HOOK1: variants seen among roughly 807,000 people sequenced by gnomAD.
The protein encoded by HOOK1 is protein Hook homolog 1.
In HOOK1, 60 loss-of-function variants were observed where a neutral mutation model predicts 112.8. The ratio of observed to expected loss-of-function variants is 0.53; its 90% CI spans 0.43 to 0.66. HOOK1 has a LOEUF of 0.66. HOOK1 is among the 30% of genes least tolerant of loss of function. HOOK1 has a pLI of 0.00. For synonymous variants in HOOK1, 294 were observed against 283.8 expected (o/e 1.04, Z -0.36); for missense variants, 770 against 856.0 (o/e 0.90, Z 1.25).
chr1:59,854,001 AATATAT>A (rs71046347), intron 12 of HOOK1, among the ~76,000 whole-genome samples: 2,600 of 25,642 alleles, frequency 0.1, 177 homozygotes, highest in African/African-American at 0.13. Flanking sequence ...ATTAATCTTA[AATATAT>A]ATATATATAT....
rs977348592 is a variant in HOOK1 at position 59,855,992 on chromosome 1, T to A, written c.1243-2436T>A. 7.1e-4 allele frequency among the ~76,000 whole-genome samples: 88 copies of A among 124,758 alleles called. 1 individual carries two copies. Among genetic ancestry groups the A allele is most frequent in the South Asian group, 1.5e-3 (6 of 3,880 alleles). The allele number at this position is 124,758 out of a possible 152,430, so 81.8% of individuals were successfully genotyped here. A position where few individuals can be genotyped will look rare whatever the true frequency, so the allele number is the denominator to read the frequency against. On this transcript the variant is annotated intron_variant, in intron 12 of 21. Coordinates refer to ENST00000371208, the MANE Select transcript of HOOK1 (RefSeq NM_015888.6). The stretch of plus-strand genomic sequence containing the variant: ...TATATATATATATATATATTTTTTT[T>A]TTTTTTTTTTTTTTTTTTGTAGAGA...
rs79115409 is a variant in HOOK1, at chr1:59,835,312, A to C, written c.407-33A>C. 1.4e-3 allele frequency: 1,774 copies of C among 1,257,744 alleles called. 21 individuals carry two copies. In the African/African-American group the frequency reaches 0.022, roughly 16 times the overall value. The allele number at this position is 1,257,744 out of a possible 1,614,324, so 77.9% of individuals were successfully genotyped here. A position where few individuals can be genotyped will look rare whatever the true frequency, so the allele number is the denominator to read the frequency against. On this transcript the variant is annotated intron_variant, in intron 5 of 21. Transcript: ENST00000371208. ...CTAAGGTACTATGTGTAAAGAGTAG[A>C]TTTTTTTCAGATTTGATTTTTTTAA...
In HOOK1 at chr1:59,874,709, C is replaced by T. The variant is rs1644107530; in HGVS notation, c.*1744C>T. Reference sequence around the variant, plus strand: ...CGGTAGGCCAGATTTGGCTTGCATGCTGTAGAGCTGTGGTCTAAATTTTAT... The same window carrying T: ...CGGTAGGCCAGATTTGGCTTGCATGTTGTAGAGCTGTGGTCTAAATTTTAT... On this transcript the variant is annotated 3_prime_UTR_variant, in exon 22 of 22. Coordinates refer to ENST00000371208, the MANE Select transcript of HOOK1 (RefSeq NM_015888.6). 1 of 152,274 alleles carries T rather than the reference C, an allele frequency of 6.6e-6. No homozygotes were observed. Among genetic ancestry groups the T allele is most frequent in the Non-Finnish European group, 1.5e-5 (1 of 68,016 alleles). The allele number at this position is 152,274 out of a possible 1,614,324, so 9.4% of individuals were successfully genotyped here. A position where few individuals can be genotyped will look rare whatever the true frequency, so the allele number is the denominator to read the frequency against.
chr1:59,817,122 A>C (rs1485226287), intron 1 of HOOK1, among the ~76,000 whole-genome samples: 1 of 152,086 alleles, frequency 6.6e-6, no homozygotes, highest in Non-Finnish European at 1.5e-5. Flanking sequence ...CTTTCTCTCC[A>C]TTGGCTCCTT....
chr1:59,869,767 G>C (rs946297057), intron 20 of HOOK1, among the ~76,000 whole-genome samples: 1 of 152,124 alleles, frequency 6.6e-6, no homozygotes, highest in Non-Finnish European at 1.5e-5. Flanking sequence ...TGGGTAGGGA[G>C]ATTTGTCTGA....
chr1:59,866,400 T>C (rs950621756), intron 19 of HOOK1, among the ~76,000 whole-genome samples: 1 of 152,218 alleles, frequency 6.6e-6, no homozygotes, highest in Non-Finnish European at 1.5e-5. Context: ...TTGTAGCATT[T>C]AGTTTGAGAT....
At chr1:59,833,581 C>G in intron 5 of HOOK1, 44 bp downstream of exon 5, 1 of 1,455,990 alleles carries the variant, frequency 6.9e-7, no homozygotes, top group Non-Finnish European at 9.3e-7. Flanking sequence ...TTTCTAGAAA[C>G]TTTCTACATT....
chr1:59,843,547 A>T lies in HOOK1; in HGVS notation c.737A>T (p.Lys246Met), dbSNP rs760843375. 1 of 1,610,350 alleles carries T rather than the reference A, an allele frequency of 6.2e-7. No homozygotes were observed. Among genetic ancestry groups the T allele is most frequent in the South Asian group, 1.1e-5 (1 of 90,410 alleles). ...FDDPNTVVAKKYFHAQLQLEQ... is the reference protein window; with the variant it reads ...FDDPNTVVAKMYFHAQLQLEQ... ...GATCCAAACACAGTGGTTGCAAAAA[A>T]GTATTTTCATGCACAATTACAACTA... The change falls in exon 9 of 22, where the codon AAG (lysine) becomes ATG (methionine). Residue 246 changes from lysine (K) to methionine (M), a missense_variant. Lys to Met is a moderately conservative substitution (Grantham distance 95). Around this residue, in one of 3 missense-constraint regions of HOOK1, gnomAD observed 655 missense variants for 725.9 expected, o/e 0.90. Transcript: ENST00000371208.
chr1:59,843,576 C>T lies in HOOK1; in HGVS notation c.766C>T (p.Gln256Ter). Residue 256 changes from glutamine (Q) to a stop codon, truncating the protein, a stop_gained, in exon 9 of 22, where the codon CAA becomes TAA. Coordinates refer to ENST00000371208, the MANE Select transcript of HOOK1 (RefSeq NM_015888.6). LOFTEE classifies it high-confidence loss of function. ...KYFHAQLQLE[Q>*]LQEENFRLEA... ...TTTTCATGCACAATTACAACTAGAA[C>T]AATTACAGGAAGAAAACTTCAGGTA... 1 of 1,600,054 alleles carries T rather than the reference C, an allele frequency of 6.2e-7. No homozygotes were observed. Among genetic ancestry groups the T allele is most frequent in the East Asian group, 2.3e-5 (1 of 44,428 alleles).
In HOOK1 at chr1:59,833,404, G is replaced by GT; in HGVS notation, c.278dup (p.Leu93PhefsTer12). On this transcript the variant is annotated frameshift_variant and splice_region_variant. Transcript: ENST00000371208. LOFTEE classifies it high-confidence loss of function. ...TGATCTAATTTATTTTAATATTGTA[G>GT]TTTTTGGGGCAGCAGATTTCAGAAG... is the stretch of plus-strand genomic sequence containing the variant. The GT allele has an allele frequency of 6.7e-7, 1 of 1,499,540 alleles. No individual in the cohort carries two copies. The highest frequency in any genetic ancestry group is 9.0e-7 in the Non-Finnish European group (1 of 1,112,838). The allele number at this position is 1,499,540 out of a possible 1,614,324, so 92.9% of individuals were successfully genotyped here. A position where few individuals can be genotyped will look rare whatever the true frequency, so the allele number is the denominator to read the frequency against.
In HOOK1 at chr1:59,875,642, A is replaced by G. The variant is rs1266871850; in HGVS notation, c.*2677A>G. On this transcript the variant is annotated 3_prime_UTR_variant, in exon 22 of 22. Transcript: ENST00000371208. Reference sequence around the variant, plus strand: ...GAATTAAATGTCCTAGTGATTATAAAGTAAAACCACAGACCAATTTGCAAA... The same window carrying G: ...GAATTAAATGTCCTAGTGATTATAAGGTAAAACCACAGACCAATTTGCAAA... 3.3e-5 allele frequency: 5 copies of G among 152,282 alleles called. No individual in the cohort carries two copies. The highest frequency in any genetic ancestry group is 5.9e-5 in the Non-Finnish European group (4 of 68,034). 9.4% of individuals were successfully genotyped at this position (152,282 alleles called of 1,614,324 possible).
At chr1:59,837,323 C>T (rs2098398409) in intron 7 of HOOK1, among the ~76,000 whole-genome samples, 1 of 152,102 alleles carries the variant, frequency 6.6e-6, no homozygotes, top group Non-Finnish European at 1.5e-5. Flanking sequence ...ACTCAAGGCT[C>T]CTTTCCTTCA....
intron 3 of HOOK1, 65 bp from the exon 4 acceptor site, chr1:59,832,098 A>T: frequency 1.1e-6 from 1 of 885,236 alleles, no homozygotes; most frequent in Non-Finnish European, 1.8e-6. Context: ...ATTGTCTTTC[A>T]TGCTGACATA....
chr1:59,854,022 ATATATATATATATATATTTTTTTTTTTTT>A (rs1393689663), intron 12 of HOOK1, among the ~76,000 whole-genome samples: 341 of 20,458 alleles, frequency 0.017, 9 homozygotes, highest in African/African-American at 0.058. Flanking sequence ...ATATATATAT[ATATATATATATATATATTTTTTTTTTTTT>A]TTTTTTTTTT....
Position 59,821,991 on chromosome 1 carries a change from A to C in HOOK1, c.149+48A>C, listed in dbSNP as rs755502355. The C allele has an allele frequency of 2.8e-6, 4 of 1,414,158 alleles. No homozygotes were observed. In the South Asian group the frequency reaches 4.6e-5, roughly 16 times the overall value. The allele number at this position is 1,414,158 out of a possible 1,614,324, so 87.6% of individuals were successfully genotyped here. On this transcript the variant is annotated intron_variant, in intron 2 of 21. Transcript: ENST00000371208. ...CTGAAAAGCATTGTAAACCCAATAC[A>C]TACCAAGGAAGAAAACTTGGACTTG...
chr1:59,871,704 T>C (rs1644057527), intron 21 of HOOK1, among the ~76,000 whole-genome samples: 1 of 152,238 alleles, frequency 6.6e-6, no homozygotes, highest in African/African-American at 2.4e-5. Flanking sequence ...TATGGTTCTT[T>C]TGCATTATTC....
chr1:59,852,968 T>C lies in HOOK1; in HGVS notation c.1242+3785T>C, dbSNP rs114182301. 4.3e-3 allele frequency among the ~76,000 whole-genome samples: 654 copies of C among 152,124 alleles called. 7 individuals are homozygous for C. The highest frequency in any genetic ancestry group is 0.013 in the African/African-American group (532 of 41,590). ...CTCCTTGTGTCATTGATTTATTTAA[T>C]TCCATTGTGGTCAGAGGACATACTT... is the stretch of plus-strand genomic sequence containing the variant. On this transcript the variant is annotated intron_variant, in intron 12 of 21. Transcript: ENST00000371208.
intron 8 of HOOK1, among the ~76,000 whole-genome samples, chr1:59,842,976 A>C (rs1399805873): frequency 6.6e-6 from 1 of 152,030 alleles, no homozygotes; most frequent in Admixed American, 6.6e-5. Flanking sequence ...TATTTCTTGA[A>C]TATGTGATAT....
At chr1:59,854,040 T>A (rs616704) in intron 12 of HOOK1, among the ~76,000 whole-genome samples, 162 of 40,934 alleles carry the variant, frequency 4.0e-3, no homozygotes, top group East Asian at 0.012. Context: ...ATATATATAT[T>A]TTTTTTTTTT....
Sources: gnomAD v4.1 joint callset for allele counts (sites outside exome capture counted in the v4.1 genomes callset) on GRCh38, gnomAD v4.1.1 for gene constraint, gnomAD v4.1.1 regional missense constraint, MANE v1.5 for transcripts, NCBI Gene and HGNC (gene_info 2026-07-23, HGNC 2026-07-21) for gene names.